Variants in SLC8A2 observed in about 807,000 individuals in gnomAD.
The protein encoded by SLC8A2 is solute carrier family 8 member A2.
SLC8A2 carries 14 observed loss-of-function variants against 70.2 expected under a neutral mutation model. The observed-to-expected ratio is 0.20, with a 90% CI of 0.13 to 0.31. The LOEUF (loss-of-function observed/expected upper bound fraction) is 0.31, where lower values mean the gene tolerates loss of function less well. Ranked by LOEUF, SLC8A2 falls within the 10% of genes least tolerant of loss-of-function variation. The pLI, the probability that SLC8A2 is intolerant of heterozygous loss-of-function variation, is 1.00. For synonymous variants in SLC8A2, 575 were observed against 594.3 expected (o/e 0.97, Z 0.47); for missense variants, 779 against 1,320.1 (o/e 0.59, Z 6.35).
At chr19:47,455,235 G>A (rs1296138393) in intron 3 of SLC8A2, among the ~76,000 whole-genome samples, 2 of 152,108 alleles carry the variant, frequency 1.3e-5, no homozygotes, top group Non-Finnish European at 2.9e-5. Flanking sequence ...GCTGCTTGAT[G>A]GCAGAACCAA....
chr19:47,447,514 G>A lies in SLC8A2; in HGVS notation c.1763+295C>T. Reference sequence around the variant, plus strand: ...AGGCCCCGCCCACGTGGTAGACACAGCACACCTAGGCCCCGCCCCTCCCGA... The same window carrying A: ...AGGCCCCGCCCACGTGGTAGACACAACACACCTAGGCCCCGCCCCTCCCGA... On this transcript the variant is annotated intron_variant, in intron 4 of 9. Coordinates refer to ENST00000236877, the MANE Select transcript of SLC8A2 (RefSeq NM_015063.3). This position sits in a 1 kb window ranked among gnomAD's most constrained non-coding sequence, Gnocchi z 5.1. 2 of 467,948 alleles carry A rather than the reference G, an allele frequency of 4.3e-6. No homozygotes were observed. The highest frequency in any genetic ancestry group is 7.6e-6 in the Non-Finnish European group (2 of 263,522). 29.0% of individuals were successfully genotyped at this position (467,948 alleles called of 1,614,324 possible). A position where few individuals can be genotyped will look rare whatever the true frequency, so the allele number is the denominator to read the frequency against.
At position 47,468,176 on chromosome 19, in the gene SLC8A2, C is replaced by G. The variant is rs1440681134; in HGVS notation, c.-16-1757G>C. On this transcript the variant is annotated intron_variant, in intron 1 of 9. Coordinates refer to ENST00000236877, the MANE Select transcript of SLC8A2 (RefSeq NM_015063.3). The surrounding 1 kb of genome is among the most constrained non-coding windows in gnomAD (Gnocchi z 5.1). The stretch of plus-strand genomic sequence containing the variant: ...TCCCTCTCTGGCCTCTTTTCCCACC[C>G]TCTCCCCCTTGCCCAGTCTGCCTCA... Among the ~76,000 whole-genome samples the G allele has an allele frequency of 6.6e-6, 1 of 152,024 alleles. No homozygotes were observed.
intron 1 of SLC8A2, among the ~76,000 whole-genome samples, chr19:47,470,384 C>T (rs1967519838): frequency 6.6e-6 from 1 of 151,388 alleles, no homozygotes; most frequent in African/African-American, 2.4e-5. Flanking sequence ...CACACACACA[C>T]ACACCAGGGC....
Position 47,430,316 on chromosome 19 carries a change from G to T in SLC8A2, c.2539C>A (p.Pro847Thr), listed in dbSNP as rs763478885. 1 of 1,612,422 alleles carries T rather than the reference G, an allele frequency of 6.2e-7. No homozygotes were observed. Among genetic ancestry groups the T allele is most frequent in the Admixed American group, 1.7e-5 (1 of 59,922 alleles). ...AGCGTGCCAGTGCGCACCTCGAAGG[G>T]GCGGCCCTGCACCGCCCAGTACACG... ...AAVYWAVQGR[P>T]FEVRTGTLAF... Residue 847 changes from proline (P) to threonine (T), a missense_variant, in exon 10 of 10, where the codon CCC (proline) becomes ACC (threonine). Pro to Thr is a conservative substitution (Grantham distance 38, BLOSUM62 -1). Coordinates refer to ENST00000236877, the MANE Select transcript of SLC8A2 (RefSeq NM_015063.3). This position sits in a 1 kb window ranked among gnomAD's most constrained non-coding sequence, Gnocchi z 5.9.
Position 47,466,816 on chromosome 19 carries a change from C to T in SLC8A2, c.-16-397G>A, listed in dbSNP as rs905358693. Among the ~76,000 whole-genome samples, 1 of 152,114 alleles carries T rather than the reference C, an allele frequency of 6.6e-6. No homozygotes were observed. Among genetic ancestry groups the T allele is most frequent in the Non-Finnish European group, 1.5e-5 (1 of 68,020 alleles). ...GGTGCGGTGGCTACGCCTGTAATCC[C>T]TGAACTTTGGGAGGCTGAGGTGGGT... is the stretch of plus-strand genomic sequence containing the variant. On this transcript the variant is annotated intron_variant, in intron 1 of 9. Coordinates refer to ENST00000236877, the MANE Select transcript of SLC8A2 (RefSeq NM_015063.3). This position sits in a 1 kb window ranked among gnomAD's most constrained non-coding sequence, Gnocchi z 6.9.
At chr19:47,455,942 C>T (rs537922767) in intron 3 of SLC8A2, among the ~76,000 whole-genome samples, 2 of 152,276 alleles carry the variant, frequency 1.3e-5, no homozygotes, top group African/African-American at 4.8e-5. Context: ...CTTTAGCCAT[C>T]GTCTCTCTCC....
At chr19:47,452,425 AGAGAGAGAGAGAGAGAGAGAGTGTGT>A (rs1318564182) in intron 3 of SLC8A2, among the ~76,000 whole-genome samples, 53 of 118,968 alleles carry the variant, frequency 4.5e-4, no homozygotes, top group African/African-American at 1.7e-3. Flanking sequence ...AGAGAGAGAG[AGAGAGAGAGAGAGAGAGAGAGTGTGT>A]GTGTGTGTGT....
At chr19:47,434,958 C>T (rs1460713126) in intron 8 of SLC8A2, among the ~76,000 whole-genome samples, 2 of 152,118 alleles carry the variant, frequency 1.3e-5, no homozygotes, top group Non-Finnish European at 2.9e-5. Flanking sequence ...CCTGTAATCC[C>T]AGCACTTTGG....
At chr19:47,450,996 T>C (rs1334027910) in intron 3 of SLC8A2, among the ~76,000 whole-genome samples, 3 of 149,048 alleles carry the variant, frequency 2.0e-5, no homozygotes, top group Non-Finnish European at 4.4e-5. Context: ...ATGGAGATTG[T>C]AGCACTATCT....
In SLC8A2 at chr19:47,465,766, T is replaced by G; in HGVS notation, c.638A>C (p.Tyr213Ser). 2 of 1,613,662 alleles carry G rather than the reference T, an allele frequency of 1.2e-6. No individual in the cohort carries two copies. Among genetic ancestry groups the G allele is most frequent in the Non-Finnish European group, 1.7e-6 (2 of 1,179,738 alleles). Reference sequence around the variant, plus strand: ...GGGGGAAAAAACAGCAAGGATGAGATAAAGCCAGACATAGGCGAAGATGCT... The same window carrying G: ...GGGGGAAAAAACAGCAAGGATGAGAGAAAGCCAGACATAGGCGAAGATGCT... ...SWSIFAYVWL[Y>S]LILAVFSPGV... Residue 213 changes from tyrosine to serine, a missense_variant, in exon 2 of 10, where the codon TAT becomes TCT. This residue lies in a region of SLC8A2 where 155 missense variants were observed against 318.6 expected (regional missense o/e 0.49). Transcript: ENST00000236877. This position sits in a 1 kb window ranked among gnomAD's most constrained non-coding sequence, Gnocchi z 5.5.
chr19:47,441,269 T>C lies in SLC8A2; in HGVS notation c.1867+68A>G, dbSNP rs1306564909. 7.6e-6 allele frequency: 12 copies of C among 1,587,112 alleles called. No individual in the cohort carries two copies. The Admixed American group carries it at 1.2e-4, about 15-fold the overall frequency. On this transcript the variant is annotated intron_variant, in intron 5 of 9. Transcript: ENST00000236877. ...CACGAGCTTTAAGGAGTGCCTGCAA[T>C]TGAGCCCCTGAAAGTCCCCCGACCC...
At position 47,466,322 on chromosome 19, in the gene SLC8A2, G is replaced by A. The variant is rs34441937; in HGVS notation, c.82C>T (p.Leu28=). 6.8e-7 allele frequency: 1 copy of A among 1,480,348 alleles called. No individual in the cohort carries two copies. The highest frequency in any genetic ancestry group is 9.0e-7 in the Non-Finnish European group (1 of 1,112,180). 91.7% of individuals were successfully genotyped at this position (1,480,348 alleles called of 1,614,324 possible). Residue 28 remains leucine, a synonymous_variant, in exon 2 of 10, where the codon CTG becomes TTG. Transcript: ENST00000236877. The surrounding 1 kb of genome is among the most constrained non-coding windows in gnomAD (Gnocchi z 6.9). ...CTGTCATTGGCCGGGGGAGGCGGCA[G>A]GGAGGGGGTTGGGGTGGCTGCCCCG... The part of the protein sequence containing the change: ...CSGAATPTPS[L]PPPPANDSDT...
At chr19:47,470,348 T>TACACACACACACACAC (rs71180846) in intron 1 of SLC8A2, among the ~76,000 whole-genome samples, 37 of 139,408 alleles carry the variant, frequency 2.7e-4, no homozygotes, top group African/African-American at 7.7e-4. Flanking sequence ...GGAGACATCA[T>TACACACACACACACAC]ACACACACAC....
intron 6 of SLC8A2, among the ~76,000 whole-genome samples, chr19:47,440,633 C>T (rs550155429): frequency 6.6e-6 from 1 of 152,072 alleles, no homozygotes; most frequent in African/African-American, 2.4e-5. Flanking sequence ...TTCTTGTTCC[C>T]CAGCGTGGAG....
intron 2 of SLC8A2, among the ~76,000 whole-genome samples, chr19:47,458,445 C>A (rs1967344989): frequency 1.4e-5 from 2 of 139,048 alleles, no homozygotes; most frequent in Non-Finnish European, 3.1e-5. Flanking sequence ...CGTTTCCCCC[C>A]ATTTCTCTCT....
At position 47,449,810 on chromosome 19, in the gene SLC8A2, G is replaced by A. The variant is rs115511820; in HGVS notation, c.1341-1579C>T. Among the ~76,000 whole-genome samples the A allele has an allele frequency of 4.0e-3, 614 of 152,238 alleles. 3 individuals carry two copies. Among genetic ancestry groups the A allele is most frequent in the African/African-American group, 0.01 (417 of 41,534 alleles). On this transcript the variant is annotated intron_variant, in intron 3 of 9. Coordinates refer to ENST00000236877, the MANE Select transcript of SLC8A2 (RefSeq NM_015063.3). ...TGGAAGATGACATCACAGTGGGAAC[G>A]GGGGCAGATCACCTAGGGCCTGGGT...
At chr19:47,439,158 G>A (rs1290734084) in intron 6 of SLC8A2, among the ~76,000 whole-genome samples, 1 of 152,112 alleles carries the variant, frequency 6.6e-6, no homozygotes, top group Non-Finnish European at 1.5e-5. Context: ...AAGCTCCCTG[G>A]CACAGTGGAG....
At chr19:47,435,956 G>T (rs913259338) in intron 8 of SLC8A2, among the ~76,000 whole-genome samples, 2 of 152,148 alleles carry the variant, frequency 1.3e-5, no homozygotes, top group African/African-American at 2.4e-5. Flanking sequence ...TGGCTCCCCA[G>T]TGTGTTCAAA....
At chr19:47,467,245 T>G (rs539559455) in intron 1 of SLC8A2, among the ~76,000 whole-genome samples, 6 of 152,316 alleles carry the variant, frequency 3.9e-5, no homozygotes, top group African/African-American at 1.4e-4. Context: ...CTCACAGATG[T>G]CACAATGGCT....
Sources: allele counts gnomAD v4.1 joint callset (sites outside exome capture counted in the v4.1 genomes callset), GRCh38; gene constraint gnomAD v4.1.1; regional missense constraint gnomAD v4.1.1; non-coding constraint Gnocchi (gnomAD v3.1); transcripts MANE v1.5; gene names NCBI Gene and HGNC (gene_info 2026-07-23, HGNC 2026-07-21).